Variants in NTRK3 observed in about 807,000 individuals in gnomAD.
The protein encoded by NTRK3 is NT-3 growth factor receptor.
NTRK3 carries 24 observed loss-of-function variants against 91.7 expected under a neutral mutation model. The observed-to-expected ratio is 0.26, with a 90% CI of 0.19 to 0.37. NTRK3 has a LOEUF of 0.37. Among genes scored for constraint, NTRK3 ranks in the 10% least tolerant of loss-of-function variants. NTRK3 has a pLI of 1.00. For synonymous variants in NTRK3, 483 were observed against 404.0 expected, an observed-to-expected ratio of 1.20 and a Z score of -2.34; for missense variants, 880 against 1,068.9, an observed-to-expected ratio of 0.82 and a Z score of 2.46.
chr15:88,155,993 C>T (rs925667004), intron 5 of NTRK3, among the ~76,000 whole-genome samples: 2 of 152,182 alleles, frequency 1.3e-5, no homozygotes, highest in Non-Finnish European at 2.9e-5. Flanking sequence ...TTAGAAGACA[C>T]GGCTCTGGAC....
chr15:88,256,196 G>C (rs1279265865), intron 2 of NTRK3, 28 bp from the exon 3 acceptor site: 2 of 1,392,708 alleles, frequency 1.4e-6, no homozygotes, highest in South Asian at 1.2e-5. Flanking sequence ...GAGAGGAGAG[G>C]GGGGTGGGGT....
intron 13 of NTRK3, among the ~76,000 whole-genome samples, chr15:88,038,541 G>A (rs1357630296): frequency 6.6e-6 from 1 of 152,112 alleles, no homozygotes; most frequent in African/African-American, 2.4e-5. Context: ...CCCTAGACCT[G>A]GGCATGAAAA....
chr15:87,915,294 C>T (rs933268889), intron 17 of NTRK3, among the ~76,000 whole-genome samples: 3 of 152,240 alleles, frequency 2.0e-5, no homozygotes, highest in Non-Finnish European at 2.9e-5. Context: ...AGTCTTTTCT[C>T]TATCCCCAAG....
intron 13 of NTRK3, among the ~76,000 whole-genome samples, chr15:88,074,778 G>T (rs774509508): frequency 2.0e-5 from 3 of 152,136 alleles, no homozygotes; most frequent in Non-Finnish European, 4.4e-5. Flanking sequence ...CTTGGGATTC[G>T]AATTGACAGA....
chr15:87,889,168 C>A (rs1049451496), intron 17 of NTRK3, among the ~76,000 whole-genome samples: 2 of 152,078 alleles, frequency 1.3e-5, no homozygotes, highest in Admixed American at 1.3e-4. Flanking sequence ...GTCATTTTTC[C>A]TACTTAAGCC....
At chr15:88,227,750 G>A (rs372602989) in intron 3 of NTRK3, among the ~76,000 whole-genome samples, 42 of 152,036 alleles carry the variant, frequency 2.8e-4, no homozygotes, top group African/African-American at 8.9e-4. Flanking sequence ...CTCACTGCCC[G>A]TTCCTCCCTC....
chr15:87,869,253 T>C (rs779917475), exon 19 of NTRK3: 7 of 230,268 alleles, frequency 3.0e-5, no homozygotes, highest in Admixed American at 1.1e-4. Flanking sequence ...TAAAAGTTTA[T>C]GGACAGAGAA....
chr15:88,164,724 A>G (rs2044770371), intron 5 of NTRK3, among the ~76,000 whole-genome samples: 1 of 151,868 alleles, frequency 6.6e-6, no homozygotes. Flanking sequence ...AGCTAAAAAC[A>G]TCTCTTTTCT....
At chr15:88,111,293 G>A (rs1447715192) in intron 13 of NTRK3, among the ~76,000 whole-genome samples, 1 of 152,190 alleles carries the variant, frequency 6.6e-6, no homozygotes, top group Admixed American at 6.5e-5. Flanking sequence ...ACCAGGAGGT[G>A]TTATGTTGTT....
In NTRK3 at chr15:87,933,230, G is replaced by A. The variant is rs779422120; in HGVS notation, c.1717-46C>T. 32 of 1,600,934 alleles carry A rather than the reference G, an allele frequency of 2.0e-5. No homozygotes were observed. The East Asian group carries it at 7.2e-4, about 36-fold the overall frequency. On this transcript the variant is annotated intron_variant, in intron 15 of 18. Transcript: ENST00000394480. ...AGGTGTTTAACAACTACAGGGCAGG[G>A]GGCTGTCTTTTCTACTCCTGGAAAG...
rs564642374 is a variant in NTRK3, at chr15:88,231,307, C to T, written c.248+24599G>A. Among the ~76,000 whole-genome samples, 134 of 152,156 alleles carry T rather than the reference C, an allele frequency of 8.8e-4. 1 individual carries two copies. The highest frequency in any genetic ancestry group is 3.1e-3 in the African/African-American group (127 of 41,498). On this transcript the variant is annotated intron_variant, in intron 3 of 18. Transcript: ENST00000394480. ...TAGGCTTTGAAATATATTTCCTCTC[C>T]GCTCCCCTTGCCCCCCACCCACATC...
chr15:87,886,021 C>T (rs1800445129), intron 17 of NTRK3, among the ~76,000 whole-genome samples: 2 of 151,620 alleles, frequency 1.3e-5, no homozygotes, highest in South Asian at 4.1e-4. Flanking sequence ...GAAAAGCAAC[C>T]CAGCAGAAAA....
At chr15:87,967,282 C>A (rs758587854) in intron 14 of NTRK3, among the ~76,000 whole-genome samples, 4 of 152,138 alleles carry the variant, frequency 2.6e-5, no homozygotes, top group Non-Finnish European at 5.9e-5. Flanking sequence ...CACTGTCACC[C>A]ACTTAGGACC....
chr15:88,089,480 C>T (rs1018066022), intron 13 of NTRK3, among the ~76,000 whole-genome samples: 9 of 152,148 alleles, frequency 5.9e-5, no homozygotes, highest in East Asian at 3.8e-4. Flanking sequence ...CAGTATAGTA[C>T]GTCCAAGTGA....
chr15:88,189,570 G>A lies in NTRK3; in HGVS notation c.249-5271C>T, dbSNP rs925126554. On this transcript the variant is annotated intron_variant, in intron 3 of 18. Transcript: ENST00000394480. ...AGCAATTCTCCTGCCTTAGCCTCCCGAGTAGCTGGGATTACAGACATGTGC... is the reference window on the plus strand; with the variant it reads ...AGCAATTCTCCTGCCTTAGCCTCCCAAGTAGCTGGGATTACAGACATGTGC... 1.8e-4 allele frequency among the ~76,000 whole-genome samples: 27 copies of A among 151,942 alleles called. 1 individual carries two copies. The highest frequency in any genetic ancestry group is 6.2e-4 in the South Asian group (3 of 4,818).
chr15:88,030,584 C>G (rs1446548968), intron 14 of NTRK3, among the ~76,000 whole-genome samples: 1 of 152,094 alleles, frequency 6.6e-6, no homozygotes, highest in Non-Finnish European at 1.5e-5. Context: ...CAGAGGGATC[C>G]TCATTATTCA....
At chr15:88,115,564 G>A (rs2051953649) in intron 13 of NTRK3, among the ~76,000 whole-genome samples, 1 of 152,210 alleles carries the variant, frequency 6.6e-6, no homozygotes, top group African/African-American at 2.4e-5. Context: ...CCCCTGCCTG[G>A]GAACAGGTTT....
chr15:87,912,931 A>AAAAAAAATATATATAT (rs1484111389), intron 17 of NTRK3, among the ~76,000 whole-genome samples: 5 of 36,496 alleles, frequency 1.4e-4, no homozygotes, highest in Non-Finnish European at 2.3e-4. Context: ...AGTAAAAAAA[A>AAAAAAAATATATATAT]ATATATATAT....
exon 19 of NTRK3, chr15:87,876,955 A>G: frequency 6.2e-7 from 1 of 1,613,914 alleles, no homozygotes; most frequent in Non-Finnish European, 8.5e-7. Context: ...ATGTCCAGGT[A>G]GATTGGGGTG....
Sources: gnomAD v4.1 joint callset for allele counts (sites outside exome capture counted in the v4.1 genomes callset) on GRCh38, gnomAD v4.1.1 for gene constraint, MANE v1.5 for transcripts, NCBI Gene and HGNC (gene_info 2026-07-23, HGNC 2026-07-21) for gene names.